CSMD1: variants seen among roughly 807,000 people sequenced by gnomAD.
CSMD1 encodes the protein CUB and sushi domain-containing protein 1.
CSMD1 carries 213 observed loss-of-function variants against 417.5 expected under a neutral mutation model. The observed-to-expected ratio is 0.51, with a 90% CI of 0.46 to 0.57. The LOEUF (loss-of-function observed/expected upper bound fraction) is 0.57, where lower values mean the gene tolerates loss of function less well. Ranked by LOEUF, CSMD1 falls within the 20% of genes least tolerant of loss-of-function variation. The pLI is 0.00. For synonymous variants in CSMD1, 2,862 were observed against 1,736.8 expected, an observed-to-expected ratio of 1.65 and a Z score of -16.11; for missense variants, 6,923 against 4,529.7, an observed-to-expected ratio of 1.53 and a Z score of -15.17.
rs776225576 is a variant in CSMD1 at position 3,052,633 on chromosome 8, T to A, written c.7489A>T (p.Ile2497Phe). Residue 2497 changes from isoleucine to phenylalanine, a missense_variant, in exon 50 of 70, where the codon ATC becomes TTC. By Grantham distance (21) the Ile-to-Phe change is conservative. Transcript: ENST00000635120. ...TPLCQAVSCG[I>F]PESPGNGSFT... is the part of the protein sequence containing the mutation. ...GAACCGTTTCCTGGGGATTCTGGGA[T>A]TCCACAGGACACAGCTGAAAAGAAA... 1.2e-6 allele frequency: 2 copies of A among 1,609,704 alleles called. No homozygotes were observed. The highest frequency in any genetic ancestry group is 2.2e-5 in the South Asian group (2 of 89,842).
At chr8:3,097,904 G>C (rs1452094193) in intron 46 of CSMD1, among the ~76,000 whole-genome samples, 1 of 152,194 alleles carries the variant, frequency 6.6e-6, no homozygotes, top group Non-Finnish European at 1.5e-5. Context: ...CCTAAGGGAT[G>C]AATTAATTGT....
chr8:3,495,089 T>C (rs1368373806), intron 10 of CSMD1, among the ~76,000 whole-genome samples: 1 of 152,248 alleles, frequency 6.6e-6, no homozygotes, highest in Non-Finnish European at 1.5e-5. Context: ...AATTGCAGTA[T>C]TTGTATGAAT....
At chr8:4,220,471 T>C (rs1800959709) in intron 3 of CSMD1, among the ~76,000 whole-genome samples, 1 of 152,206 alleles carries the variant, frequency 6.6e-6, no homozygotes, top group South Asian at 2.1e-4. Flanking sequence ...ACCTCATGCA[T>C]TAATTTTAAA....
At chr8:3,002,543 G>T (rs1807500755) in intron 52 of CSMD1, among the ~76,000 whole-genome samples, 2 of 152,220 alleles carry the variant, frequency 1.3e-5, no homozygotes, top group Admixed American at 1.3e-4. Flanking sequence ...GAGGGGATGT[G>T]GGACCAAAGG....
intron 3 of CSMD1, among the ~76,000 whole-genome samples, chr8:4,195,875 G>A (rs552634913): frequency 1.3e-5 from 2 of 152,136 alleles, no homozygotes; most frequent in African/African-American, 4.8e-5. Context: ...CGAGACTTAC[G>A]GCAGAGGACT....
chr8:3,799,514 T>G (rs4875788), intron 5 of CSMD1, among the ~76,000 whole-genome samples: 19 of 150,416 alleles, frequency 1.3e-4, no homozygotes, highest in African/African-American at 4.4e-4. Context: ...AAAGCATACA[T>G]GTAACATTAG....
At chr8:2,974,022 T>A (rs1804698071) in intron 56 of CSMD1, among the ~76,000 whole-genome samples, 1 of 138,090 alleles carries the variant, frequency 7.2e-6, no homozygotes, top group Non-Finnish European at 1.5e-5. Context: ...TGGTAGAGGA[T>A]GATGGTAGAG....
At chr8:4,932,852 C>T (rs548106114) in intron 1 of CSMD1, among the ~76,000 whole-genome samples, 18 of 152,304 alleles carry the variant, frequency 1.2e-4, no homozygotes, top group African/African-American at 4.1e-4. Context: ...CAGGTCCTGT[C>T]GACGCCTCAA....
intron 3 of CSMD1, among the ~76,000 whole-genome samples, chr8:4,399,382 G>C (rs892692619): frequency 7.9e-5 from 12 of 152,264 alleles, no homozygotes; most frequent in Admixed American, 6.5e-4. Context: ...TTAGAATAGA[G>C]TTTCAAACAT....
At chr8:4,442,025 G>A (rs758077288) in intron 2 of CSMD1, among the ~76,000 whole-genome samples, 3 of 152,032 alleles carry the variant, frequency 2.0e-5, no homozygotes, top group Admixed American at 6.5e-5. Context: ...ATGTCCCCCC[G>A]CTTTTTTCTA....
intron 18 of CSMD1, chr8:3,373,378 C>G (rs1374592686): frequency 2.6e-5 from 4 of 152,218 alleles, no homozygotes; most frequent in African/African-American, 4.8e-5. Context: ...AGAGATAAAG[C>G]TGCTCTCAGG....
intron 2 of CSMD1, among the ~76,000 whole-genome samples, chr8:4,601,258 A>AC (rs1800564618): frequency 6.6e-6 from 1 of 152,078 alleles, no homozygotes. Context: ...ACCTGGCCAG[A>AC]TTTTTTTTAA....
At chr8:4,962,147 T>A (rs976363894) in intron 1 of CSMD1, among the ~76,000 whole-genome samples, 3 of 151,242 alleles carry the variant, frequency 2.0e-5, no homozygotes, top group African/African-American at 7.3e-5. Context: ...TTTACAACTA[T>A]CCAGTGAAAC....
At chr8:4,547,341 C>G (rs1038075926) in intron 2 of CSMD1, among the ~76,000 whole-genome samples, 2 of 152,202 alleles carry the variant, frequency 1.3e-5, no homozygotes, top group African/African-American at 4.8e-5. Flanking sequence ...CACGTTGCCA[C>G]AGCAGTGAAC....
chr8:3,981,500 T>TAAAAAAAAAAAAGAAA (rs1813863064), intron 5 of CSMD1, among the ~76,000 whole-genome samples: 1 of 115,072 alleles, frequency 8.7e-6, no homozygotes, highest in Non-Finnish European at 1.7e-5. Context: ...TAGAAAAAAG[T>TAAAAAAAAAAAAGAAA]AAAAAAAAAA....
chr8:3,178,912 G>A (rs1168707826), intron 37 of CSMD1, among the ~76,000 whole-genome samples: 1 of 151,616 alleles, frequency 6.6e-6, no homozygotes. Context: ...ATTGTAGTAA[G>A]GTTAATTCTA....
At chr8:4,084,818 C>G (rs1585280438) in intron 3 of CSMD1, among the ~76,000 whole-genome samples, 1 of 151,254 alleles carries the variant, frequency 6.6e-6, no homozygotes, top group Admixed American at 6.6e-5. Context: ...ATTCCAGTGC[C>G]TCAAGACAGC....
chr8:4,446,789 G>C (rs995832260), intron 2 of CSMD1, among the ~76,000 whole-genome samples: 10 of 124,690 alleles, frequency 8.0e-5, no homozygotes, highest in Non-Finnish European at 1.3e-4. Flanking sequence ...GTGTGTGTGT[G>C]TGTGTGTATT....
chr8:4,173,113 G>T (rs566244893), intron 3 of CSMD1, among the ~76,000 whole-genome samples: 7 of 152,128 alleles, frequency 4.6e-5, no homozygotes, highest in African/African-American at 1.7e-4. Flanking sequence ...CCACACGGAG[G>T]AAGTAACTAT....
Sources: gnomAD v4.1 joint callset for allele counts (sites outside exome capture counted in the v4.1 genomes callset) on GRCh38, gnomAD v4.1.1 for gene constraint, MANE v1.5 for transcripts, NCBI Gene and HGNC (gene_info 2026-07-23, HGNC 2026-07-21) for gene names.